TRDN: variants seen among roughly 807,000 people sequenced by gnomAD.
The protein encoded by TRDN is triadin.
In TRDN, 161 loss-of-function variants were observed where a neutral mutation model predicts 149.7. The observed-to-expected ratio is 1.08, with a 90% CI of 0.95 to 1.23. The LOEUF is 1.23. TRDN is among the 50% of genes most tolerant of loss of function. TRDN has a pLI of 0.00. For missense variants in TRDN, 896 were observed against 823.5 expected (o/e 1.09, Z -1.08); for synonymous variants, 294 against 250.5 (o/e 1.17, Z -1.64).
chr6:123,268,353 T>G (rs7744269), intron 31 of TRDN, among the ~76,000 whole-genome samples: 1 of 151,742 alleles, frequency 6.6e-6, no homozygotes, highest in Non-Finnish European at 1.5e-5. Context: ...CAAAAAGAAA[T>G]AAAAATGTAT....
chr6:123,420,801 A>T (rs548859383), intron 12 of TRDN, among the ~76,000 whole-genome samples: 57 of 152,226 alleles, frequency 3.7e-4, no homozygotes, highest in Non-Finnish European at 7.3e-4. Flanking sequence ...TCTCTAGCCT[A>T]AAGATTACTT....
intron 6 of TRDN, among the ~76,000 whole-genome samples, chr6:123,513,141 G>C (rs184651572): frequency 6.6e-6 from 1 of 152,052 alleles, no homozygotes; most frequent in Non-Finnish European, 1.5e-5. Flanking sequence ...TCCTCCTCCA[G>C]AGTTTCAGCC....
intron 38 of TRDN, 66 bp from the exon 39 acceptor site, chr6:123,224,197 G>A: frequency 6.7e-7 from 1 of 1,484,730 alleles, no homozygotes; most frequent in Admixed American, 1.7e-5. Flanking sequence ...AGGAAGTATT[G>A]TATTTAAAGG....
chr6:123,325,678 A>G (rs988151985), intron 23 of TRDN, among the ~76,000 whole-genome samples: 2 of 152,010 alleles, frequency 1.3e-5, no homozygotes, highest in African/African-American at 2.4e-5. Context: ...TGGGGACAAA[A>G]CTCCACCTTT....
intron 12 of TRDN, among the ~76,000 whole-genome samples, chr6:123,423,849 C>A (rs1774007050): frequency 6.6e-6 from 1 of 152,068 alleles, no homozygotes; most frequent in Admixed American, 6.6e-5. Context: ...ACTCAAATTA[C>A]CATCTATAAA....
At chr6:123,542,856 T>TTG (rs1364504893) in intron 4 of TRDN, among the ~76,000 whole-genome samples, 2 of 118,432 alleles carry the variant, frequency 1.7e-5, no homozygotes, top group East Asian at 2.0e-4. Flanking sequence ...GTGTGCATGT[T>TTG]TGCGTGTGTG....
Position 123,319,475 on chromosome 6 carries a change from A to G in TRDN, c.1472-2980T>C, listed in dbSNP as rs1034518554. 2.5e-4 allele frequency among the ~76,000 whole-genome samples: 38 copies of G among 152,126 alleles called. 1 individual carries two copies. The highest frequency in any genetic ancestry group is 8.9e-4 in the African/African-American group (37 of 41,532). ...TAAAAACAACTATATATATATTTACATATGTGTGTATATATATAAACTTTA... is the reference window on the plus strand; with the variant it reads ...TAAAAACAACTATATATATATTTACGTATGTGTGTATATATATAAACTTTA... On this transcript the variant is annotated intron_variant, in intron 23 of 40. Transcript: ENST00000334268.
intron 37 of TRDN, among the ~76,000 whole-genome samples, chr6:123,252,946 T>C (rs1349908180): frequency 1.3e-5 from 2 of 152,170 alleles, no homozygotes; most frequent in African/African-American, 2.4e-5. Flanking sequence ...ACTATTATTA[T>C]ACTTAGCTTG....
intron 10 of TRDN, among the ~76,000 whole-genome samples, chr6:123,450,954 A>G (rs1311806245): frequency 6.6e-6 from 1 of 152,184 alleles, no homozygotes; most frequent in Non-Finnish European, 1.5e-5. Flanking sequence ...GGAATCTTCA[A>G]AACCATGCAA....
intron 38 of TRDN, among the ~76,000 whole-genome samples, chr6:123,226,593 G>T (rs1040262281): frequency 1.3e-5 from 2 of 151,838 alleles, no homozygotes; most frequent in African/African-American, 4.8e-5. Flanking sequence ...AATCGCTCAG[G>T]AGACAGAAGC....
intron 33 of TRDN, among the ~76,000 whole-genome samples, chr6:123,261,531 A>G (rs1363828939): frequency 2.0e-5 from 3 of 151,806 alleles, no homozygotes; most frequent in African/African-American, 7.2e-5. Flanking sequence ...TTGTGTCACA[A>G]ATAATTTCAA....
chr6:123,377,904 A>G lies in TRDN; in HGVS notation c.1187-6T>C. 1 of 1,450,958 alleles carries G rather than the reference A, an allele frequency of 6.9e-7. No homozygotes were observed. The allele number at this position is 1,450,958 out of a possible 1,614,324, so 89.9% of individuals were successfully genotyped here. ...TTTTTCTTTCTTTTCCTGTTCTGAAACATATTATTATTGTTATTATTATTA... is the reference window on the plus strand; with the variant it reads ...TTTTTCTTTCTTTTCCTGTTCTGAAGCATATTATTATTGTTATTATTATTA... On this transcript the variant is annotated splice_region_variant and splice_polypyrimidine_tract_variant and intron_variant, in intron 16 of 40. Coordinates refer to ENST00000334268, the MANE Select transcript of TRDN (RefSeq NM_006073.4).
chr6:123,494,040 G>A (rs2114804141), intron 9 of TRDN, among the ~76,000 whole-genome samples: 1 of 152,064 alleles, frequency 6.6e-6, no homozygotes, highest in South Asian at 2.1e-4. Context: ...TCAACTCCTG[G>A]ACAAGAAATA....
At chr6:123,595,556 C>T (rs1783997289) in intron 1 of TRDN, among the ~76,000 whole-genome samples, 1 of 152,260 alleles carries the variant, frequency 6.6e-6, no homozygotes, top group African/African-American at 2.4e-5. Flanking sequence ...AGATCCTGCA[C>T]TTTTACAAAT....
At chr6:123,391,713 C>A (rs929634243) in intron 13 of TRDN, among the ~76,000 whole-genome samples, 2 of 151,498 alleles carry the variant, frequency 1.3e-5, no homozygotes, top group African/African-American at 4.8e-5. Flanking sequence ...GTATGGAAAG[C>A]CAGATTTTTA....
At chr6:123,252,515 T>C (rs915641639) in intron 37 of TRDN, 80 bp from the exon 38 acceptor site, 164 of 722,820 alleles carry the variant, frequency 2.3e-4, no homozygotes, top group Middle Eastern at 7.0e-4. Context: ...TTTATAAAAA[T>C]ATCTAATTAT....
At chr6:123,336,903 A>T (rs1180299450) in intron 22 of TRDN, among the ~76,000 whole-genome samples, 1 of 151,790 alleles carries the variant, frequency 6.6e-6, no homozygotes, top group Non-Finnish European at 1.5e-5. Flanking sequence ...TAAATATTAC[A>T]AGTGTGTTAA....
intron 35 of TRDN, 22 bp from the exon 36 acceptor site, chr6:123,255,924 A>T: frequency 8.1e-7 from 1 of 1,237,318 alleles, no homozygotes; most frequent in Non-Finnish European, 1.0e-6. Flanking sequence ...AAACAGTAAC[A>T]GGGTAATTTA....
At chr6:123,342,803 C>T (rs1780114297) in intron 21 of TRDN, among the ~76,000 whole-genome samples, 1 of 151,996 alleles carries the variant, frequency 6.6e-6, no homozygotes, top group Non-Finnish European at 1.5e-5. Flanking sequence ...GAACAGGGTG[C>T]CTATCTGAAT....
Sources: allele counts gnomAD v4.1 joint callset (sites outside exome capture counted in the v4.1 genomes callset), GRCh38; gene constraint gnomAD v4.1.1; transcripts MANE v1.5; gene names NCBI Gene and HGNC (gene_info 2026-07-23, HGNC 2026-07-21).